DISP2: variants seen among roughly 807,000 people sequenced by gnomAD.
DISP2 encodes protein dispatched homolog 2.
Under a neutral mutation model 95.5 loss-of-function variants are expected in DISP2, and 59 were observed. The ratio of observed to expected loss-of-function variants is 0.62; its 90% confidence interval spans 0.50 to 0.77. The LOEUF (loss-of-function observed/expected upper bound fraction) is 0.77, where lower values mean the gene tolerates loss of function less well. Ranked by LOEUF, DISP2 falls within the 30% of genes least tolerant of loss-of-function variation. The pLI is 0.00. For missense variants in DISP2, 1,752 were observed against 1,854.6 expected, an observed-to-expected ratio of 0.94 and a Z score of 1.02; for synonymous variants, 827 against 815.0, an observed-to-expected ratio of 1.01 and a Z score of -0.25.
chr15:40,370,194 T>C lies in DISP2; in HGVS notation c.4082T>C (p.Leu1361Ser), dbSNP rs138013070. Reference protein sequence around the residue: ...PSLPASHHSSLSWKGRGGPGD... With the variant: ...PSLPASHHSSSSWKGRGGPGD... ...TTGCCCGCTTCCCATCACAGCAGCT[T>C]GTCCTGGAAGGGCCGAGGGGGGCCA... Residue 1361 changes from leucine (L) to serine (S), a missense_variant, in exon 8 of 8, where the codon TTG (leucine) becomes TCG (serine). This residue lies in a region of DISP2 where 347 missense variants were observed against 344.2 expected (regional missense o/e 1.01). Coordinates refer to ENST00000267889, the MANE Select transcript of DISP2 (RefSeq NM_033510.3). 1.3e-4 allele frequency: 209 copies of C among 1,611,916 alleles called. No individual in the cohort carries two copies. Among genetic ancestry groups the C allele is most frequent in the Middle Eastern group, 1.2e-3 (7 of 6,082 alleles).
chr15:40,365,560 C>T, intron 6 of DISP2, 68 bp from the exon 7 acceptor site: 1 of 1,563,950 alleles, frequency 6.4e-7, no homozygotes, highest in Non-Finnish European at 8.8e-7. Flanking sequence ...GGGTAAGCAT[C>T]TTCCCTTTGG....
In DISP2 at chr15:40,369,388, C is replaced by A. The variant is rs1889589397; in HGVS notation, c.3276C>A (p.Leu1092=). The A allele has an allele frequency of 1.2e-6, 2 of 1,613,544 alleles. No homozygotes were observed. The highest frequency in any genetic ancestry group is 2.7e-5 in the African/African-American group (2 of 74,950). The change falls in exon 8 of 8, where the codon CTC becomes CTA. Residue 1092 remains leucine, a synonymous_variant. Coordinates refer to ENST00000267889, the MANE Select transcript of DISP2 (RefSeq NM_033510.3). ...TCTATCGCAAGCTGGGCATCATCCTCATGATGGTCAAATGCGTCAGTTGTG... is the reference window on the plus strand; with the variant it reads ...TCTATCGCAAGCTGGGCATCATCCTAATGATGGTCAAATGCGTCAGTTGTG... ...VLLYRKLGII[L]MMVKCVSCGF...
chr15:40,358,570 C>A, intron 1 of DISP2, 130 bp downstream of exon 1: 1 of 670,220 alleles, frequency 1.5e-6, no homozygotes, highest in South Asian at 7.1e-5. Flanking sequence ...TTCCCGGGGT[C>A]GCCAAGCTCC....
At position 40,364,962 on chromosome 15, in the gene DISP2, C is replaced by G; in HGVS notation, c.719+9C>G. The stretch of plus-strand genomic sequence containing the variant: ...GACCTTGAGCTGAACAGGTAACAGG[C>G]TCTCATCTTTTCACTGTGGGTGGCA... On this transcript the variant is annotated intron_variant, in intron 5 of 7. Transcript: ENST00000267889. The G allele has an allele frequency of 6.2e-7, 1 of 1,613,198 alleles. No individual in the cohort carries two copies. The highest frequency in any genetic ancestry group is 8.5e-7 in the Non-Finnish European group (1 of 1,179,512).
At position 40,370,486 on chromosome 15, in the gene DISP2, G is replaced by C; in HGVS notation, c.*168G>C. ...CAGATGTCCCAGCCTTGATCTGTCT[G>C]CTCCTACTCCTCACATCTGGAGGAT... On this transcript the variant is annotated 3_prime_UTR_variant, in exon 8 of 8. Transcript: ENST00000267889. The C allele has an allele frequency of 1.7e-6, 2 of 1,207,666 alleles. No individual in the cohort carries two copies. The highest frequency in any genetic ancestry group is 1.2e-6 in the Non-Finnish European group (1 of 861,576). The allele number at this position is 1,207,666 out of a possible 1,614,324, so 74.8% of individuals were successfully genotyped here.
rs1365193761 is a variant in DISP2 at position 40,378,145 on chromosome 15, A to G, written c.*7827A>G. On this transcript the variant is annotated 3_prime_UTR_variant, in exon 8 of 8. Transcript: ENST00000267889. ...CCAGTCATGCAAACTATAACCCATC[A>G]TAAGGAGAAAAATCAGTTGAAACCA... The G allele has an allele frequency of 1.3e-5, 2 of 152,264 alleles. No individual in the cohort carries two copies. The highest frequency in any genetic ancestry group is 4.8e-5 in the African/African-American group (2 of 41,464). 9.4% of individuals were successfully genotyped at this position (152,264 alleles called of 1,614,324 possible).
In DISP2 at chr15:40,369,863, G is replaced by T. The variant is rs753121724; in HGVS notation, c.3751G>T (p.Asp1251Tyr). The change falls in exon 8 of 8, where the codon GAC becomes TAC. Residue 1251 changes from aspartate to tyrosine, a missense_variant. This residue lies in a region of DISP2 where 347 missense variants were observed against 344.2 expected (regional missense o/e 1.01). Transcript: ENST00000267889. ...CAGCCCCAAAACCCGGGCCAGGCAG[G>T]ACTCCCAAGGGGAGGAGGCTGAGCC... is the stretch of plus-strand genomic sequence containing the variant. ...GPSPKTRARQ[D>Y]SQGEEAEPLP... is the part of the protein sequence containing the mutation. 3 of 1,568,040 alleles carry T rather than the reference G, an allele frequency of 1.9e-6. No individual in the cohort carries two copies. Among genetic ancestry groups the T allele is most frequent in the South Asian group, 2.4e-5 (2 of 84,648 alleles).
Sources: allele counts gnomAD v4.1 joint callset, GRCh38; gene constraint gnomAD v4.1.1; regional missense constraint gnomAD v4.1.1; transcripts MANE v1.5; gene names NCBI Gene and HGNC (gene_info 2026-07-23, HGNC 2026-07-21).